The following ZNF329 variants were observed in gnomAD, a reference collection of about 807,000 sequenced individuals.
ZNF329 encodes the protein zinc finger protein 329.
ZNF329 carries 15 observed loss-of-function variants against 26.6 expected under a neutral mutation model. The ratio of observed to expected loss-of-function variants is 0.56; its 90% CI spans 0.38 to 0.87. ZNF329 has a LOEUF of 0.87. Ranked by LOEUF, ZNF329 falls within the 40% of genes least tolerant of loss-of-function variation. ZNF329 has a pLI of 0.00. For missense variants in ZNF329, 651 were observed against 651.9 expected, an observed-to-expected ratio of 1.00 and a Z score of 0.02; for synonymous variants, 239 against 233.5, an observed-to-expected ratio of 1.02 and a Z score of -0.21.
chr19:58,153,966 C>T (rs992038721), upstream of ZNF329, among the ~76,000 whole-genome samples: 14 of 150,810 alleles, frequency 9.3e-5, no homozygotes, highest in Admixed American at 1.3e-4. Context: ...AAAGTGCTGG[C>T]GTTACAGGCG....
rs1371635784 is a variant in ZNF329 at position 58,128,457 on chromosome 19, T to C, written c.1047A>G (p.Gly349=). The change falls in exon 4 of 4, where the codon GGA becomes GGG. Residue 349 remains glycine (G), a synonymous_variant. Coordinates refer to ENST00000598312, the MANE Select transcript of ZNF329 (RefSeq NM_024620.4). ...GEKPYECSKC[G]KAFRDGSYLT... ...GGTACGAGCCGTCCCGGAAAGCCTT[T>C]CCACATTTGCTACACTCATAGGGCT... 1.3e-5 allele frequency: 21 copies of C among 1,612,098 alleles called. No homozygotes were observed. Among genetic ancestry groups the C allele is most frequent in the Non-Finnish European group, 1.7e-5 (20 of 1,179,184 alleles).
In ZNF329 at chr19:58,130,591, G is replaced by A. The variant is rs577618651; in HGVS notation, c.-8-1080C>T. Among the ~76,000 whole-genome samples, 235 of 149,420 alleles carry A rather than the reference G, an allele frequency of 1.6e-3. 1 individual carries two copies. The highest frequency in any genetic ancestry group is 5.2e-3 in the African/African-American group (210 of 40,532). On this transcript the variant is annotated intron_variant, in intron 3 of 3. Transcript: ENST00000598312. ...CGGGAGGCTGAGGCAGGAGAATGGC[G>A]CGAACCCGGGAGGCGGAGCTTGCAG...
intron 1 of ZNF329, among the ~76,000 whole-genome samples, chr19:58,147,361 C>A (rs527684505): frequency 8.3e-4 from 125 of 151,066 alleles, no homozygotes; most frequent in Non-Finnish European, 1.2e-3. Flanking sequence ...CCGGCAGCCA[C>A]CCCGTCTGGG....
At chr19:58,149,039 A>T (rs1331212644) in intron 1 of ZNF329, among the ~76,000 whole-genome samples, 1 of 152,240 alleles carries the variant, frequency 6.6e-6, no homozygotes, top group African/African-American at 2.4e-5. Context: ...CACAAGATAC[A>T]GGTCATAAAG....
chr19:58,129,150 T>C lies in ZNF329; in HGVS notation c.354A>G (p.Arg118=), dbSNP rs763361513. The stretch of plus-strand genomic sequence containing the variant: ...TTCCACAGGCATCACTGTCACCAGT[T>C]CTCTTATCTGCATAACTTTTAGGAT... The part of the protein sequence containing the change: ...PSYPKSYADK[R]TGDSDACGKG... Residue 118 remains arginine, a synonymous_variant, in exon 4 of 4, where the codon AGA becomes AGG. Transcript: ENST00000598312. 6.8e-6 allele frequency: 11 copies of C among 1,614,004 alleles called. No individual in the cohort carries two copies. In the South Asian group the frequency reaches 1.2e-4, roughly 18 times the overall value.
chr19:58,148,391 T>TAAAAA (rs1241009357), intron 1 of ZNF329, among the ~76,000 whole-genome samples: 4 of 103,810 alleles, frequency 3.9e-5, no homozygotes, highest in Non-Finnish European at 6.0e-5. Context: ...AATGATCAAT[T>TAAAAA]AAAAAAAAAA....
upstream of ZNF329, among the ~76,000 whole-genome samples, chr19:58,151,438 T>C (rs764224625): frequency 8.6e-5 from 13 of 151,770 alleles, no homozygotes; most frequent in Non-Finnish European, 1.9e-4. Context: ...CCGTCTCCAC[T>C]AAAAATACAA....
intron 1 of ZNF329, among the ~76,000 whole-genome samples, chr19:58,147,303 C>T (rs1051609278): frequency 6.7e-6 from 1 of 148,330 alleles, no homozygotes; most frequent in African/African-American, 2.5e-5. Flanking sequence ...AGTGAGGAGC[C>T]CCTCCGCCAG....
At chr19:58,148,432 CCT>C (rs904688775) in intron 1 of ZNF329, among the ~76,000 whole-genome samples, 35 of 150,356 alleles carry the variant, frequency 2.3e-4, no homozygotes, top group Non-Finnish European at 4.0e-4. Context: ...AAAAAATTTC[CCT>C]GTTTCTTCTT....
At chr19:58,141,290 C>G (rs2075181354) in intron 3 of ZNF329, among the ~76,000 whole-genome samples, 3 of 151,824 alleles carry the variant, frequency 2.0e-5, no homozygotes, top group Admixed American at 2.0e-4. Flanking sequence ...GCCACCACGC[C>G]TGGCTTAACA....
intron 1 of ZNF329, among the ~76,000 whole-genome samples, chr19:58,146,398 T>A (rs1054535162): frequency 2.0e-5 from 3 of 151,914 alleles, no homozygotes; most frequent in Non-Finnish European, 4.4e-5. Context: ...CACTTGAGCC[T>A]GGGAAGTAGA....
chr19:58,150,339 G>A (rs1014035117), intron 1 of ZNF329, among the ~76,000 whole-genome samples: 1 of 152,208 alleles, frequency 6.6e-6, no homozygotes, highest in Admixed American at 6.5e-5. Flanking sequence ...AGCCTACACT[G>A]CCCCTCACAC....
chr19:58,133,098 C>A (rs2074985065), intron 3 of ZNF329, among the ~76,000 whole-genome samples: 1 of 152,182 alleles, frequency 6.6e-6, no homozygotes, highest in Non-Finnish European at 1.5e-5. Context: ...AGGCGTGAGC[C>A]ACCGCGCCTG....
upstream of ZNF329, chr19:58,150,828 G>C (rs1196902286): frequency 6.5e-6 from 1 of 152,682 alleles, no homozygotes; most frequent in Non-Finnish European, 1.5e-5. Context: ...GCGCGTGCGC[G>C]GAGTCCCCGA....
At chr19:58,147,677 G>A (rs1261762669) in intron 1 of ZNF329, among the ~76,000 whole-genome samples, 1 of 147,590 alleles carries the variant, frequency 6.8e-6, no homozygotes, top group Non-Finnish European at 1.5e-5. Flanking sequence ...CAGCCGCCCT[G>A]TCTGGGAGAT....
intron 1 of ZNF329, among the ~76,000 whole-genome samples, chr19:58,145,987 A>G (rs2075299507): frequency 6.7e-6 from 1 of 149,334 alleles, no homozygotes; most frequent in South Asian, 2.1e-4. Context: ...TTTTAAAAAT[A>G]TATCAATTTC....
rs1415808273 is a variant in ZNF329, at chr19:58,128,881, C to T, written c.623G>A (p.Cys208Tyr). 1.9e-6 allele frequency: 3 copies of T among 1,614,012 alleles called. No individual in the cohort carries two copies. The highest frequency in any genetic ancestry group is 1.1e-5 in the South Asian group (1 of 91,070). The change falls in exon 4 of 4, where the codon TGT (cysteine) becomes TAT (tyrosine). Residue 208 changes from cysteine (C) to tyrosine (Y), a missense_variant. By Grantham distance (194) the Cys-to-Tyr change is radical (BLOSUM62 -2). Coordinates refer to ENST00000598312, the MANE Select transcript of ZNF329 (RefSeq NM_024620.4). ...PGEKQYRCTE[C>Y]GKCFKRNSSL... ...AGAGTTCCGTTTGAAGCATTTGCCA[C>T]ATTCAGTACATCTATATTGTTTCTC... is the stretch of plus-strand genomic sequence containing the variant.
At chr19:58,131,119 A>ATGTGTGTG (rs144702980) in intron 3 of ZNF329, among the ~76,000 whole-genome samples, 2 of 150,158 alleles carry the variant, frequency 1.3e-5, no homozygotes, top group East Asian at 1.9e-4. Flanking sequence ...ATATGTGTAT[A>ATGTGTGTG]TGTGTGTGTG....
upstream of ZNF329, among the ~76,000 whole-genome samples, chr19:58,154,006 ATT>A (rs11351022): frequency 6.8e-4 from 99 of 144,958 alleles, no homozygotes; most frequent in Non-Finnish European, 7.0e-4. Context: ...AACATATGTG[ATT>A]TTTTTTTTTT....
Sources: gnomAD v4.1 joint callset for allele counts (sites outside exome capture counted in the v4.1 genomes callset) on GRCh38, gnomAD v4.1.1 for gene constraint, MANE v1.5 for transcripts, NCBI Gene and HGNC (gene_info 2026-07-23, HGNC 2026-07-21) for gene names.